Variants in MFSD8 observed in about 807,000 individuals in gnomAD.
MFSD8 encodes the protein major facilitator superfamily domain containing 8, also known as major facilitator superfamily domain-containing protein 8.
A neutral mutation model predicts 66.4 loss-of-function variants in MFSD8; 55 were observed. That is an observed-to-expected ratio of 0.83 (90% confidence interval 0.67 to 1.04). The LOEUF is 1.04. Among genes scored for constraint, MFSD8 ranks in the 50% least tolerant of loss-of-function variants. The pLI is 0.00. For synonymous variants in MFSD8, 202 were observed against 212.8 expected (o/e 0.95, Z 0.44); for missense variants, 550 against 627.6 (o/e 0.88, Z 1.32).
chr4:127,937,236 C>A (rs776747976), intron 7 of MFSD8, among the ~76,000 whole-genome samples: 2 of 152,144 alleles, frequency 1.3e-5, no homozygotes, highest in Non-Finnish European at 2.9e-5. Flanking sequence ...TTACAAATGC[C>A]TGTGGGATTT....
chr4:127,933,022 A>T lies in MFSD8; in HGVS notation c.826T>A (p.Phe276Ile). The T allele has an allele frequency of 6.2e-7, 1 of 1,613,826 alleles. No homozygotes were observed. The highest frequency in any genetic ancestry group is 8.5e-7 in the Non-Finnish European group (1 of 1,179,866). Residue 276 changes from phenylalanine to isoleucine, a missense_variant, in exon 8 of 12, where the codon TTT becomes ATT. By Grantham distance (21) the Phe-to-Ile change is conservative (BLOSUM62 0). Transcript: ENST00000641686. ...QVAVVAINVL[F>I]FVTLFIFALF... ...GCAAAGATAAATAGAGTCACAAAAA[A>T]CAGAACATTGATGGCCACAACAGCA...
At chr4:127,964,939 C>T in intron 1 of MFSD8, 133 bp downstream of exon 1, 1 of 1,094,274 alleles carries the variant, frequency 9.1e-7, no homozygotes, top group South Asian at 1.3e-5. Flanking sequence ...GCTCACACAA[C>T]CCAGCCACCG....
chr4:127,923,618 C>T (rs1226357919), intron 9 of MFSD8, among the ~76,000 whole-genome samples: 3 of 147,808 alleles, frequency 2.0e-5, no homozygotes, highest in East Asian at 2.0e-4. Flanking sequence ...CTTGCTCTGT[C>T]GCCCAGGCTG....
intron 1 of MFSD8, among the ~76,000 whole-genome samples, chr4:127,963,730 A>G (rs942333723): frequency 1.3e-5 from 2 of 152,342 alleles, no homozygotes; most frequent in African/African-American, 4.8e-5. Flanking sequence ...AGCAAGATTT[A>G]TCGCAAAGAG....
rs201046915 is a variant in MFSD8 at position 127,932,976 on chromosome 4, A to C, written c.863+9T>G. The C allele has an allele frequency of 6.3e-7, 1 of 1,598,314 alleles. No homozygotes were observed. The highest frequency in any genetic ancestry group is 1.3e-5 in the African/African-American group (1 of 74,714). ...AATCTGATTCAGATGAAGATGGAAT[A>C]AAACTTACGTTTCAAAAAGGGCAAA... On this transcript the variant is annotated intron_variant, in intron 8 of 11. Transcript: ENST00000641686.
intron 7 of MFSD8, among the ~76,000 whole-genome samples, chr4:127,938,167 A>G (rs950633575): frequency 1.3e-5 from 2 of 152,244 alleles, no homozygotes; most frequent in African/African-American, 2.4e-5. Flanking sequence ...GGTAGTAAAG[A>G]TATGGAAATC....
At chr4:127,934,685 T>G (rs769372687) in intron 7 of MFSD8, 1 of 150,862 alleles carries the variant, frequency 6.6e-6, no homozygotes, top group Admixed American at 6.6e-5. Flanking sequence ...GTTCAAGCGA[T>G]TCTCCTGTCT....
At chr4:127,959,502 T>C (rs1743400983) in intron 1 of MFSD8, among the ~76,000 whole-genome samples, 1 of 152,226 alleles carries the variant, frequency 6.6e-6, no homozygotes, top group Non-Finnish European at 1.5e-5. Flanking sequence ...GTATTTCTAG[T>C]TGTAACAGTG....
chr4:127,925,356 T>A (rs1352612859), intron 9 of MFSD8, among the ~76,000 whole-genome samples: 1 of 152,172 alleles, frequency 6.6e-6, no homozygotes, highest in East Asian at 1.9e-4. Flanking sequence ...GATAAAGGTC[T>A]AATATCCAGA....
chr4:127,922,919 TAAG>T (rs1466458719), intron 9 of MFSD8, among the ~76,000 whole-genome samples: 2 of 152,180 alleles, frequency 1.3e-5, no homozygotes, highest in African/African-American at 4.8e-5. Flanking sequence ...ACTTACATGT[TAAG>T]AAGAGATAAA....
intron 7 of MFSD8, among the ~76,000 whole-genome samples, chr4:127,936,314 A>G (rs1486339753): frequency 6.6e-6 from 1 of 152,098 alleles, no homozygotes; most frequent in African/African-American, 2.4e-5. Context: ...GGGTTTCACC[A>G]TGTTGGCCAA....
At position 127,938,764 on chromosome 4, in the gene MFSD8, C is replaced by G; in HGVS notation, c.754+19G>C. On this transcript the variant is annotated intron_variant, in intron 7 of 11. Coordinates refer to ENST00000641686, the MANE Select transcript of MFSD8 (RefSeq NM_001371596.2). ...CTTTGATAATGTTATATTAATTCAGCCAAATGGGTTAAAAGTACCTTCTTC... is the reference window on the plus strand; with the variant it reads ...CTTTGATAATGTTATATTAATTCAGGCAAATGGGTTAAAAGTACCTTCTTC... 1 of 1,590,346 alleles carries G rather than the reference C, an allele frequency of 6.3e-7. No homozygotes were observed. Among genetic ancestry groups the G allele is most frequent in the Non-Finnish European group, 8.6e-7 (1 of 1,159,814 alleles).
intron 9 of MFSD8, among the ~76,000 whole-genome samples, chr4:127,928,585 G>A (rs1737600948): frequency 6.6e-6 from 1 of 152,156 alleles, no homozygotes; most frequent in Admixed American, 6.6e-5. Context: ...TCAAAAAGAG[G>A]GAATAATGGA....
At chr4:127,920,883 G>A (rs1736248595) in intron 11 of MFSD8, 47 bp from the exon 12 acceptor site, 1 of 1,566,068 alleles carries the variant, frequency 6.4e-7, no homozygotes. Flanking sequence ...TTGGGGTTTA[G>A]TTATTTAAAA....
In MFSD8 at chr4:127,920,702, G is replaced by A. The variant is rs2148836945; in HGVS notation, c.1485C>T (p.Thr495=). The A allele has an allele frequency of 6.2e-7, 1 of 1,614,018 alleles. No individual in the cohort carries two copies. Among genetic ancestry groups the A allele is most frequent in the African/African-American group, 1.3e-5 (1 of 74,984 alleles). The change falls in exon 12 of 12, where the codon ACC becomes ACT. Residue 495 remains threonine, a synonymous_variant. Coordinates refer to ENST00000641686, the MANE Select transcript of MFSD8 (RefSeq NM_001371596.2). ...FSLVCGIIVL[T]ITLLGVVYKR... ...TGTAAACCACTCCCAGGAGGGTGATGGTGAGCACTATTATTCCACACACCA... is the reference window on the plus strand; with the variant it reads ...TGTAAACCACTCCCAGGAGGGTGATAGTGAGCACTATTATTCCACACACCA...
In MFSD8 at chr4:127,965,107, T is replaced by C. The variant is rs1216544839; in HGVS notation, c.27A>G (p.Glu9=). 1.9e-6 allele frequency: 3 copies of C among 1,613,824 alleles called. No individual in the cohort carries two copies. Among genetic ancestry groups the C allele is most frequent in the Non-Finnish European group, 2.5e-6 (3 of 1,180,036 alleles). MAGLRNES[E]QEPLLGDTPG... ...GTGTGTCGCCTAAGAGCGGCTCCTG[T>C]TCACTTTCGTTCCGCAGGCCGGCCA... The change falls in exon 1 of 12, where the codon GAA becomes GAG. Residue 9 remains glutamate (E), a synonymous_variant. Transcript: ENST00000641686.
intron 11 of MFSD8, chr4:127,921,209 A>G: frequency 1.7e-6 from 1 of 585,438 alleles, no homozygotes; most frequent in African/African-American, 1.9e-5. Context: ...CTGTTTAACA[A>G]AGGTAGAAGC....
At chr4:127,964,995 G>T (rs1744785690) in intron 1 of MFSD8, 77 bp downstream of exon 1, 7 of 1,545,922 alleles carry the variant, frequency 4.5e-6, no homozygotes, top group East Asian at 2.3e-5. Context: ...GTTTGTCCCA[G>T]TGCGGGTGAC....
chr4:127,944,243 T>C (rs903479642), intron 3 of MFSD8, among the ~76,000 whole-genome samples: 3 of 152,170 alleles, frequency 2.0e-5, no homozygotes, highest in Non-Finnish European at 2.9e-5. Context: ...AAATTTTTGG[T>C]TCATATAAAC....
Sources: allele counts gnomAD v4.1 joint callset (sites outside exome capture counted in the v4.1 genomes callset), GRCh38; gene constraint gnomAD v4.1.1; transcripts MANE v1.5; gene names NCBI Gene and HGNC (gene_info 2026-07-23, HGNC 2026-07-21).